Variants in NFAM1 observed in about 807,000 individuals in gnomAD.
The protein encoded by NFAM1 is NFAT activation molecule 1.
In NFAM1, 17 loss-of-function variants were observed where a neutral mutation model predicts 29.0. The ratio of observed to expected loss-of-function variants is 0.59; its 90% CI spans 0.40 to 0.88. NFAM1 has a LOEUF of 0.88. NFAM1 is among the 40% of genes least tolerant of loss of function. The probability of loss-of-function intolerance (pLI) is 0.00; values close to 1 mark genes in which losing one functional copy is unlikely to be tolerated. For missense variants in NFAM1, 324 were observed against 344.6 expected (o/e 0.94, Z 0.47); for synonymous variants, 175 against 147.2 (o/e 1.19, Z -1.36).
chr22:42,426,252 T>A lies in NFAM1; in HGVS notation c.121+5985A>T, dbSNP rs112002368. ...AGGGGCCTGCTGAGGGCAGTGAGGC[T>A]GTTTGCGGTTATGCTCTGTGGACCT... On this transcript the variant is annotated intron_variant, in intron 1 of 5. Transcript: ENST00000329021. Among the ~76,000 whole-genome samples, 690 of 152,266 alleles carry A rather than the reference T, an allele frequency of 4.5e-3. 4 individuals are homozygous for A. Among genetic ancestry groups the A allele is most frequent in the Middle Eastern group, 6.8e-3 (2 of 294 alleles).
At chr22:42,405,016 C>T (rs1929847766) in intron 3 of NFAM1, among the ~76,000 whole-genome samples, 1 of 152,128 alleles carries the variant, frequency 6.6e-6, no homozygotes, top group Admixed American at 6.5e-5. Flanking sequence ...AGTGATGGCA[C>T]ACACGAGACA....
rs1443906523 is a variant in NFAM1, at chr22:42,385,085, A to C, written c.*76T>G. The C allele has an allele frequency of 3.6e-6, 4 of 1,109,738 alleles. No homozygotes were observed. The highest frequency in any genetic ancestry group is 5.5e-6 in the Non-Finnish European group (4 of 721,408). 68.7% of individuals were successfully genotyped at this position (1,109,738 alleles called of 1,614,324 possible). On this transcript the variant is annotated 3_prime_UTR_variant, in exon 6 of 6. Transcript: ENST00000329021. ...TCCCTGGGGGCCTTACTCCCAACTC[A>C]GATCAAGTCCTTTGGTGGCAGGGGC...
At chr22:42,389,394 T>A (rs1929257086) in intron 4 of NFAM1, among the ~76,000 whole-genome samples, 1 of 152,164 alleles carries the variant, frequency 6.6e-6, no homozygotes, top group Admixed American at 6.5e-5. Context: ...TAGCAGCTGC[T>A]GAGTGAGGCC....
chr22:42,395,335 G>A (rs1490383122), intron 4 of NFAM1, among the ~76,000 whole-genome samples: 1 of 151,978 alleles, frequency 6.6e-6, no homozygotes, highest in Admixed American at 6.6e-5. Context: ...AATTAGCCAG[G>A]TATGGTGGTG....
intron 3 of NFAM1, among the ~76,000 whole-genome samples, chr22:42,399,409 T>C (rs1238147106): frequency 2.1e-5 from 3 of 141,228 alleles, no homozygotes; most frequent in African/African-American, 8.1e-5. Flanking sequence ...ATCACACCAT[T>C]GCACTCCAGC....
intron 1 of NFAM1, among the ~76,000 whole-genome samples, chr22:42,425,912 G>T (rs932771024): frequency 6.6e-6 from 1 of 152,114 alleles, no homozygotes; most frequent in African/African-American, 2.4e-5. Flanking sequence ...CACCTTGGGG[G>T]AGAGGGAGGG....
intron 1 of NFAM1, among the ~76,000 whole-genome samples, chr22:42,415,180 A>G (rs1176006379): frequency 6.6e-6 from 1 of 152,088 alleles, no homozygotes; most frequent in Non-Finnish European, 1.5e-5. Context: ...GTCAGGCCAA[A>G]AAACCCGGGG....
At chr22:42,387,779 C>T (rs889283506) in intron 4 of NFAM1, among the ~76,000 whole-genome samples, 1 of 152,104 alleles carries the variant, frequency 6.6e-6, no homozygotes, top group East Asian at 1.9e-4. Context: ...CACCCATATG[C>T]GCCTCCCTGG....
At position 42,411,634 on chromosome 22, in the gene NFAM1, A is replaced by C; in HGVS notation, c.224T>G (p.Phe75Cys). 1 of 1,614,008 alleles carries C rather than the reference A, an allele frequency of 6.2e-7. No individual in the cohort carries two copies. Among genetic ancestry groups the C allele is most frequent in the Non-Finnish European group, 8.5e-7 (1 of 1,179,928 alleles). Residue 75 changes from phenylalanine (F) to cysteine (C), a missense_variant, in exon 2 of 6, where the codon TTC becomes TGC. Physicochemically the swap from Phe to Cys is radical, Grantham distance 205. Coordinates refer to ENST00000329021, the MANE Select transcript of NFAM1 (RefSeq NM_145912.8). The stretch of plus-strand genomic sequence containing the variant: ...AAAGTAGCTGACTGTGAAAACCTTG[A>C]ATTGGGGAGTGTATGGATAGGTGAT... ...CRITYPYTPQ[F>C]KVFTVSYFHE...
At chr22:42,403,457 G>A (rs1041780813) in intron 3 of NFAM1, among the ~76,000 whole-genome samples, 30 of 152,138 alleles carry the variant, frequency 2.0e-4, no homozygotes, top group African/African-American at 4.6e-4. Flanking sequence ...GTGCAATCTC[G>A]GCTCATTGCA....
intron 2 of NFAM1, chr22:42,410,513 G>A (rs1309216063): frequency 1.1e-5 from 4 of 357,504 alleles, no homozygotes; most frequent in African/African-American, 6.5e-5. Context: ...ACAAAAAGTA[G>A]CCAGGTGTGG....
intron 1 of NFAM1, among the ~76,000 whole-genome samples, chr22:42,426,412 G>A (rs9620046): frequency 0.012 from 1,815 of 152,246 alleles, 36 homozygotes; most frequent in African/African-American, 0.041. Context: ...GGCTCTTCTC[G>A]GCACCCTGCA....
In NFAM1 at chr22:42,411,642, A is replaced by G; in HGVS notation, c.216T>C (p.Thr72=). ...SFSCRITYPY[T]PQFKVFTVSY... ...TGACTGTGAAAACCTTGAATTGGGGAGTGTATGGATAGGTGATCCTGCAGC... is the reference window on the plus strand; with the variant it reads ...TGACTGTGAAAACCTTGAATTGGGGGGTGTATGGATAGGTGATCCTGCAGC... The change falls in exon 2 of 6, where the codon ACT becomes ACC. Residue 72 remains threonine (T), a synonymous_variant. Transcript: ENST00000329021. 1 of 1,613,860 alleles carries G rather than the reference A, an allele frequency of 6.2e-7. No individual in the cohort carries two copies. The highest frequency in any genetic ancestry group is 8.5e-7 in the Non-Finnish European group (1 of 1,179,872).
upstream of NFAM1, chr22:42,432,434 T>G (rs549678528): frequency 2.9e-4 from 418 of 1,458,194 alleles, 5 homozygotes; most frequent in South Asian, 5.6e-3. Context: ...CCCCTTTGCT[T>G]TCCCCACGAA....
intron 1 of NFAM1, among the ~76,000 whole-genome samples, chr22:42,424,370 G>A (rs1316085751): frequency 1.3e-5 from 2 of 152,010 alleles, no homozygotes; most frequent in Non-Finnish European, 2.9e-5. Context: ...AACCGAGATT[G>A]TGCCACTGCA....
intron 1 of NFAM1, among the ~76,000 whole-genome samples, chr22:42,420,969 G>C (rs1318304293): frequency 6.6e-6 from 1 of 152,142 alleles, no homozygotes; most frequent in African/African-American, 2.4e-5. Context: ...CTGGGGGACT[G>C]TTATTGTCAC....
At chr22:42,400,868 C>T (rs551373784) in intron 3 of NFAM1, among the ~76,000 whole-genome samples, 80 of 152,312 alleles carry the variant, frequency 5.3e-4, no homozygotes, top group Non-Finnish European at 8.4e-4. Flanking sequence ...CTGGACACCA[C>T]CAGGGCTGAG....
Position 42,424,911 on chromosome 22 carries a change from G to GTATTTATTTATTTATTTATTTATT in NFAM1, c.121+7302_121+7325dup, listed in dbSNP as rs67558344. On this transcript the variant is annotated intron_variant, in intron 1 of 5. Transcript: ENST00000329021. ...TTCTTTCCTTTCTTTCTTTCTTTTC[G>GTATTTATTTATTTATTTATTTATT]TATTTATTTATTTATTTATTTATTT... is the stretch of plus-strand genomic sequence containing the variant. 1.4e-3 allele frequency among the ~76,000 whole-genome samples: 202 copies of GTATTTATTTATTTATTTATTTATT among 147,920 alleles called. 1 individual carries two copies. Among genetic ancestry groups the GTATTTATTTATTTATTTATTTATT allele is most frequent in the African/African-American group, 5.0e-3 (198 of 39,528 alleles).
rs1191073120 is a variant in NFAM1, at chr22:42,409,336, C to T, written c.564+99G>A. 3 of 576,154 alleles carry T rather than the reference C, an allele frequency of 5.2e-6. No individual in the cohort carries two copies. The highest frequency in any genetic ancestry group is 9.0e-6 in the Non-Finnish European group (3 of 332,470). 35.7% of individuals were successfully genotyped at this position (576,154 alleles called of 1,614,324 possible). Reference sequence around the variant, plus strand: ...GCCACCTGTTACAGATGTGGATGTGCCCTCACCAGGGCCCACCAAACGCCC... The same window carrying T: ...GCCACCTGTTACAGATGTGGATGTGTCCTCACCAGGGCCCACCAAACGCCC... On this transcript the variant is annotated intron_variant, in intron 3 of 5. Coordinates refer to ENST00000329021, the MANE Select transcript of NFAM1 (RefSeq NM_145912.8). The surrounding 1 kb of genome is among the most constrained non-coding windows in gnomAD (Gnocchi z 4.9).
Sources: gnomAD v4.1 joint callset for allele counts (sites outside exome capture counted in the v4.1 genomes callset) on GRCh38, gnomAD v4.1.1 for gene constraint, Gnocchi (gnomAD v3.1) non-coding constraint, MANE v1.5 for transcripts, NCBI Gene and HGNC (gene_info 2026-07-23, HGNC 2026-07-21) for gene names.